The following TACR1 variants were observed in gnomAD, a reference collection of about 807,000 sequenced individuals.
TACR1 encodes the protein substance-P receptor.
TACR1 carries 25 observed loss-of-function variants against 35.8 expected under a neutral mutation model. That is an observed-to-expected ratio of 0.70 (90% CI 0.51 to 0.98). TACR1 has a LOEUF of 0.98. Ranked by LOEUF, TACR1 falls within the 50% of genes least tolerant of loss-of-function variation. TACR1 has a pLI of 0.00. For synonymous variants in TACR1, 195 were observed against 206.7 expected (o/e 0.94, Z 0.48); for missense variants, 478 against 522.9 (o/e 0.91, Z 0.84).
intron 2 of TACR1, among the ~76,000 whole-genome samples, chr2:75,110,789 A>G (rs1673734966): frequency 6.6e-6 from 1 of 152,036 alleles, no homozygotes; most frequent in Admixed American, 6.5e-5. Context: ...ACAGCTCTAT[A>G]AACCATGCTG....
chr2:75,192,018 C>T (rs1054417020), intron 1 of TACR1, among the ~76,000 whole-genome samples: 1 of 151,978 alleles, frequency 6.6e-6, no homozygotes, highest in African/African-American at 2.4e-5. Flanking sequence ...ATATAAGGAC[C>T]CCTCAGCTAG....
chr2:75,194,234 C>G (rs777904245), intron 1 of TACR1, among the ~76,000 whole-genome samples: 1 of 152,138 alleles, frequency 6.6e-6, no homozygotes, highest in Non-Finnish European at 1.5e-5. Flanking sequence ...AAGAAAGGCC[C>G]TGAAATCTAA....
chr2:75,194,483 C>G (rs866314726), intron 1 of TACR1, among the ~76,000 whole-genome samples: 1 of 152,166 alleles, frequency 6.6e-6, no homozygotes, highest in African/African-American at 2.4e-5. Flanking sequence ...GATTGCAGTT[C>G]AACCAACAAG....
chr2:75,084,949 T>TTAC (rs1248999388), intron 2 of TACR1, among the ~76,000 whole-genome samples: 1 of 152,218 alleles, frequency 6.6e-6, no homozygotes, highest in Non-Finnish European at 1.5e-5. Flanking sequence ...CTGATCTTAG[T>TTAC]TATTTCTTGC....
At chr2:75,136,224 C>T (rs1674286301) in intron 1 of TACR1, among the ~76,000 whole-genome samples, 1 of 152,312 alleles carries the variant, frequency 6.6e-6, no homozygotes, top group Non-Finnish European at 1.5e-5. Flanking sequence ...AGCCTTCCTT[C>T]CTGCCCTGTG....
At chr2:75,102,057 A>T (rs1429426503) in intron 2 of TACR1, among the ~76,000 whole-genome samples, 1 of 152,240 alleles carries the variant, frequency 6.6e-6, no homozygotes, top group Non-Finnish European at 1.5e-5. Context: ...AAAAAGCATT[A>T]GTGCCATGGG....
chr2:75,198,590 A>G lies in TACR1; in HGVS notation c.345T>C (p.Ala115=), dbSNP rs1676053143. 6.2e-7 allele frequency: 1 copy of G among 1,614,198 alleles called. No homozygotes were observed. The highest frequency in any genetic ancestry group is 8.5e-7 in the Non-Finnish European group (1 of 1,180,024). ...CKFHNFFPIA[A]VFASIYSMTA... ...TCATGGAGTAGATACTGGCGAAGAC[A>G]GCGGCGATGGGAAAGAAGTTGTGGA... Residue 115 remains alanine (A), a synonymous_variant, in exon 1 of 5, where the codon GCT becomes GCC. Transcript: ENST00000305249.
chr2:75,198,865 G>C lies in TACR1; in HGVS notation c.70C>G (p.Gln24Glu). Residue 24 changes from glutamine (Q) to glutamate (E), a missense_variant, in exon 1 of 5, where the codon CAG becomes GAG. Transcript: ENST00000305249. ...NISTNTSEPNQFVQPAWQIVL... is the reference protein window; with the variant it reads ...NISTNTSEPNEFVQPAWQIVL... ...ATTTGCCAGGCTGGTTGCACGAACT[G>C]ATTGGGTTCCGAGGTGTTAGTGGAG... 1.2e-6 allele frequency: 2 copies of C among 1,614,116 alleles called. No individual in the cohort carries two copies. The highest frequency in any genetic ancestry group is 1.7e-6 in the Non-Finnish European group (2 of 1,180,026).
chr2:75,069,919 A>G (rs1259708871), intron 2 of TACR1, among the ~76,000 whole-genome samples: 2 of 151,842 alleles, frequency 1.3e-5, no homozygotes, highest in Admixed American at 6.6e-5. Context: ...CTTTCTTTCC[A>G]TACTCTAATC....
intron 2 of TACR1, among the ~76,000 whole-genome samples, chr2:75,087,382 A>G (rs1257345616): frequency 1.3e-5 from 2 of 152,230 alleles, no homozygotes; most frequent in Admixed American, 1.3e-4. Flanking sequence ...ACTACCAGTG[A>G]TAAACTTCTG....
chr2:75,174,796 A>G (rs147152106), intron 1 of TACR1, among the ~76,000 whole-genome samples: 1 of 152,300 alleles, frequency 6.6e-6, no homozygotes, highest in East Asian at 1.9e-4. Flanking sequence ...AATTTGCATA[A>G]TGGTTGGGGA....
chr2:75,125,444 C>G (rs917158391), intron 1 of TACR1, among the ~76,000 whole-genome samples: 2 of 152,190 alleles, frequency 1.3e-5, no homozygotes, highest in African/African-American at 2.4e-5. Context: ...CTCGGCCTCC[C>G]AAAGTGCTGG....
intron 2 of TACR1, among the ~76,000 whole-genome samples, chr2:75,108,828 A>C (rs1673699207): frequency 6.6e-6 from 1 of 152,186 alleles, no homozygotes. Context: ...GGAAAAAATA[A>C]AATCATTTCA....
At chr2:75,177,538 T>C (rs72809329) in intron 1 of TACR1, among the ~76,000 whole-genome samples, 27,209 of 152,220 alleles carry the variant, frequency 0.18, 2,895 homozygotes, top group Admixed American at 0.24. Context: ...GTTCATGCAC[T>C]TTTTAGTTGA....
chr2:75,156,999 T>C (rs1394564306), intron 1 of TACR1, among the ~76,000 whole-genome samples: 1 of 151,920 alleles, frequency 6.6e-6, no homozygotes, highest in Admixed American at 6.6e-5. Flanking sequence ...GAGATGGGAG[T>C]CGGGGCTGGG....
intron 2 of TACR1, among the ~76,000 whole-genome samples, chr2:75,077,301 G>A (rs1673000173): frequency 6.6e-6 from 1 of 152,158 alleles, no homozygotes; most frequent in Admixed American, 6.5e-5. Flanking sequence ...GAGAACAGAG[G>A]TTCAGAGAGA....
At chr2:75,140,441 G>A (rs1396787885) in intron 1 of TACR1, among the ~76,000 whole-genome samples, 2 of 152,124 alleles carry the variant, frequency 1.3e-5, no homozygotes, top group Non-Finnish European at 2.9e-5. Context: ...TGAGGCATGT[G>A]CTTAAAATGA....
chr2:75,083,815 G>A (rs1673139230), intron 2 of TACR1, among the ~76,000 whole-genome samples: 1 of 152,170 alleles, frequency 6.6e-6, no homozygotes, highest in Admixed American at 6.5e-5. Flanking sequence ...ATCAGCTTAA[G>A]GAGATTTTGG....
intron 2 of TACR1, among the ~76,000 whole-genome samples, chr2:75,083,085 C>T (rs1036703779): frequency 7.2e-5 from 11 of 152,134 alleles, no homozygotes; most frequent in East Asian, 1.9e-4. Flanking sequence ...TTTAATCCAT[C>T]GTGAATTAAT....
Sources: gnomAD v4.1 joint callset for allele counts (sites outside exome capture counted in the v4.1 genomes callset) on GRCh38, gnomAD v4.1.1 for gene constraint, MANE v1.5 for transcripts, NCBI Gene and HGNC (gene_info 2026-07-23, HGNC 2026-07-21) for gene names.